The following TNRC6B variants were observed in gnomAD, a reference collection of about 807,000 sequenced individuals.
The protein encoded by TNRC6B is trinucleotide repeat containing adaptor 6B.
TNRC6B carries 52 observed loss-of-function variants against 203.6 expected under a neutral mutation model. The observed-to-expected ratio is 0.26, with a 90% CI of 0.20 to 0.32. TNRC6B has a LOEUF of 0.32. Among genes scored for constraint, TNRC6B ranks in the 10% least tolerant of loss-of-function variants. The pLI is 1.00. For synonymous variants in TNRC6B, 838 were observed against 845.7 expected, an observed-to-expected ratio of 0.99 and a Z score of 0.16; for missense variants, 1,923 against 2,286.2, an observed-to-expected ratio of 0.84 and a Z score of 3.24.
At chr22:40,065,649 A>G (rs536080732) in intron 1 of TNRC6B, among the ~76,000 whole-genome samples, 16 of 152,078 alleles carry the variant, frequency 1.1e-4, no homozygotes, top group Admixed American at 7.2e-4. Context: ...ATATTATTGG[A>G]TGGTGGATCT....
chr22:40,253,087 T>G (rs1318141823), intron 3 of TNRC6B, among the ~76,000 whole-genome samples: 1 of 145,816 alleles, frequency 6.9e-6, no homozygotes, highest in Admixed American at 6.6e-5. Context: ...CATCTTTTCT[T>G]TTTTTTCTTT....
intron 1 of TNRC6B, among the ~76,000 whole-genome samples, chr22:40,215,841 C>G (rs2069627601): frequency 6.6e-6 from 1 of 152,234 alleles, no homozygotes. Flanking sequence ...ACCTCGTGAA[C>G]AGAGCCACCA....
intron 3 of TNRC6B, among the ~76,000 whole-genome samples, chr22:40,151,925 T>C (rs2068760992): frequency 1.3e-5 from 2 of 151,912 alleles, no homozygotes. Flanking sequence ...CAACACTGAA[T>C]AACAGGAATT....
At chr22:40,178,701 G>A (rs1017096534) in intron 1 of TNRC6B, among the ~76,000 whole-genome samples, 14 of 152,098 alleles carry the variant, frequency 9.2e-5, no homozygotes, top group Non-Finnish European at 2.9e-5. Flanking sequence ...TGAACACCAG[G>A]AGGTTTGGGG....
chr22:40,235,993 G>T (rs944020890), intron 1 of TNRC6B, among the ~76,000 whole-genome samples: 1 of 152,118 alleles, frequency 6.6e-6, no homozygotes, highest in Non-Finnish European at 1.5e-5. Flanking sequence ...TGAGATAATT[G>T]TAGGTTCACA....
intron 4 of TNRC6B, among the ~76,000 whole-genome samples, chr22:40,263,811 A>G (rs1260495935): frequency 6.6e-6 from 1 of 152,212 alleles, no homozygotes; most frequent in East Asian, 1.9e-4. Flanking sequence ...CACCTAGCTC[A>G]GTGGCTCAGT....
intron 12 of TNRC6B, among the ~76,000 whole-genome samples, chr22:40,287,090 A>G (rs942196300): frequency 1.3e-5 from 2 of 152,080 alleles, no homozygotes; most frequent in African/African-American, 4.8e-5. Flanking sequence ...GCTCATGGCA[A>G]GCTCAAACTC....
At chr22:40,276,906 C>A in intron 7 of TNRC6B, 171 bp from the exon 8 acceptor site, 1 of 441,438 alleles carries the variant, frequency 2.3e-6, no homozygotes, top group Non-Finnish European at 3.9e-6. Context: ...ATAGATATAA[C>A]TAGGGCTTAT....
At chr22:40,240,033 A>G (rs752271193) in intron 1 of TNRC6B, among the ~76,000 whole-genome samples, 6 of 151,940 alleles carry the variant, frequency 3.9e-5, no homozygotes, top group Non-Finnish European at 7.4e-5. Flanking sequence ...GGGTTTCGCC[A>G]TGTTGGCTAG....
chr22:40,253,616 A>C, intron 3 of TNRC6B: 1 of 456,398 alleles, frequency 2.2e-6, no homozygotes, highest in South Asian at 1.5e-5. Flanking sequence ...AGATAACATA[A>C]AATAATCCTA....
chr22:40,093,043 C>G (rs760527284), intron 1 of TNRC6B, among the ~76,000 whole-genome samples: 4 of 152,144 alleles, frequency 2.6e-5, no homozygotes, highest in East Asian at 3.8e-4. Flanking sequence ...GAAAAAGAAC[C>G]ATTTCATCAG....
At chr22:40,090,644 C>T (rs2068142954) in intron 1 of TNRC6B, among the ~76,000 whole-genome samples, 7 of 152,062 alleles carry the variant, frequency 4.6e-5, no homozygotes, top group Admixed American at 4.6e-4. Context: ...TCTTCTCATT[C>T]TCTCGATTAA....
chr22:40,220,229 G>C (rs2069690032), intron 1 of TNRC6B, among the ~76,000 whole-genome samples: 1 of 152,112 alleles, frequency 6.6e-6, no homozygotes, highest in Admixed American at 6.5e-5. Context: ...GGGAATCCTT[G>C]TTGAAGGATC....
At chr22:40,283,381 C>T (rs1258614414) in intron 11 of TNRC6B, among the ~76,000 whole-genome samples, 3 of 152,040 alleles carry the variant, frequency 2.0e-5, no homozygotes, top group African/African-American at 4.8e-5. Context: ...GCTTATGTTG[C>T]CTAGGTTGGT....
chr22:40,128,443 C>T (rs756296146), intron 3 of TNRC6B, among the ~76,000 whole-genome samples: 1 of 151,998 alleles, frequency 6.6e-6, no homozygotes, highest in Non-Finnish European at 1.5e-5. Flanking sequence ...GAATTTTTTA[C>T]CAAAAAGTGA....
At chr22:40,311,543 A>ATT (rs879411389) in intron 17 of TNRC6B, among the ~76,000 whole-genome samples, 7 of 144,242 alleles carry the variant, frequency 4.9e-5, no homozygotes, top group African/African-American at 1.8e-4. Context: ...TTAAGGTAGA[A>ATT]TTTTTTTTTT....
intron 1 of TNRC6B, among the ~76,000 whole-genome samples, chr22:40,047,340 G>A (rs111501409): frequency 0.032 from 4,896 of 152,040 alleles, 255 homozygotes; most frequent in African/African-American, 0.11. Flanking sequence ...GATGGCTCAC[G>A]CCTGTAATCC....
chr22:40,132,969 A>AATATATATATATAT (rs1166468730), intron 3 of TNRC6B, among the ~76,000 whole-genome samples: 12 of 78,182 alleles, frequency 1.5e-4, no homozygotes, highest in South Asian at 1.2e-3. Context: ...AAAAAAAAAA[A>AATATATATATATAT]ATATATATAT....
At chr22:40,174,077 G>A (rs1280330112), upstream of TNRC6B, among the ~76,000 whole-genome samples, 2 of 151,348 alleles carry the variant, frequency 1.3e-5, no homozygotes, top group Non-Finnish European at 2.9e-5. Flanking sequence ...GTGATTACAG[G>A]CGTGAGCCAC....
Sources: gnomAD v4.1 joint callset for allele counts (sites outside exome capture counted in the v4.1 genomes callset) on GRCh38, gnomAD v4.1.1 for gene constraint, MANE v1.5 for transcripts, NCBI Gene and HGNC (gene_info 2026-07-23, HGNC 2026-07-21) for gene names.